PPP2R2B: variants seen among roughly 807,000 people sequenced by gnomAD.
PPP2R2B encodes the protein protein phosphatase 2 regulatory subunit Bbeta.
In PPP2R2B, 5 loss-of-function variants were observed where a neutral mutation model predicts 46.0. That is an observed-to-expected ratio of 0.11 (90% CI 0.06 to 0.23). PPP2R2B has a LOEUF of 0.23. Among genes scored for constraint, PPP2R2B ranks in the 10% least tolerant of loss-of-function variants. PPP2R2B has a pLI of 1.00. For synonymous variants in PPP2R2B, 215 were observed against 206.7 expected, an observed-to-expected ratio of 1.04 and a Z score of -0.34; for missense variants, 367 against 575.0, an observed-to-expected ratio of 0.64 and a Z score of 3.70.
Position 146,590,837 on chromosome 5 carries a change from G to GGTCTT in PPP2R2B, c.1053-616_1053-612dup, listed in dbSNP as rs148388927. On this transcript the variant is annotated intron_variant, in intron 9 of 9. Transcript: ENST00000394411. ...TTATCTACGAAATGGATGTCATCAT[G>GGTCTT]GTCTTATCTAGGAAACAAGTAAGGA... Among the ~76,000 whole-genome samples, 341 of 152,160 alleles carry GGTCTT rather than the reference G, an allele frequency of 2.2e-3. 2 individuals are homozygous for GGTCTT. The highest frequency in any genetic ancestry group is 6.8e-3 in the Middle Eastern group (2 of 294).
intron 7 of PPP2R2B, among the ~76,000 whole-genome samples, chr5:146,604,053 T>C (rs978303399): frequency 1.3e-5 from 2 of 152,172 alleles, no homozygotes; most frequent in African/African-American, 4.8e-5. Flanking sequence ...CCAGGCCCTG[T>C]ACCAAATGCT....
intron 1 of PPP2R2B, among the ~76,000 whole-genome samples, chr5:146,988,393 A>G (rs1215936849): frequency 1.3e-5 from 2 of 152,012 alleles, no homozygotes; most frequent in Non-Finnish European, 2.9e-5. Context: ...CACAAATGTT[A>G]CAAAATTGAA....
chr5:146,601,961 C>T (rs1320182106), intron 7 of PPP2R2B, among the ~76,000 whole-genome samples: 1 of 152,170 alleles, frequency 6.6e-6, no homozygotes, highest in Non-Finnish European at 1.5e-5. Flanking sequence ...CCATCACAAA[C>T]TGCCTCTAAT....
At chr5:146,869,239 A>AT (rs1270117137) in intron 2 of PPP2R2B, among the ~76,000 whole-genome samples, 4 of 152,142 alleles carry the variant, frequency 2.6e-5, no homozygotes, top group Non-Finnish European at 4.4e-5. Flanking sequence ...CAGATTTCTG[A>AT]TTTTTTCTTG....
chr5:146,896,907 T>C (rs1355506868), intron 1 of PPP2R2B, among the ~76,000 whole-genome samples: 1 of 152,086 alleles, frequency 6.6e-6, no homozygotes, highest in African/African-American at 2.4e-5. Context: ...GATATAGAAG[T>C]GGACCAGCTA....
intron 1 of PPP2R2B, among the ~76,000 whole-genome samples, chr5:147,043,082 G>C (rs1288827668): frequency 6.6e-6 from 1 of 152,112 alleles, no homozygotes; most frequent in Non-Finnish European, 1.5e-5. Flanking sequence ...ATGATTTGCA[G>C]TGATAATATA....
At chr5:146,687,718 T>C (rs887635780) in intron 5 of PPP2R2B, among the ~76,000 whole-genome samples, 1 of 152,194 alleles carries the variant, frequency 6.6e-6, no homozygotes, top group Non-Finnish European at 1.5e-5. Context: ...CTTTTGGTAA[T>C]GAGATTGATT....
chr5:146,716,931 A>C (rs1425178828), intron 2 of PPP2R2B, among the ~76,000 whole-genome samples: 1 of 152,218 alleles, frequency 6.6e-6, no homozygotes, highest in Non-Finnish European at 1.5e-5. Context: ...AAAACAGAAT[A>C]ATATTTATTT....
Position 146,581,073 on chromosome 5 carries a change from A to G in PPP2R2B, c.*8874T>C, listed in dbSNP as rs1455318198. ...CGAGTTTCAGCTGATTCTTTCATCAAGAAACATCACAAATTACCTCTATTA... is the reference window on the plus strand; with the variant it reads ...CGAGTTTCAGCTGATTCTTTCATCAGGAAACATCACAAATTACCTCTATTA... On this transcript the variant is annotated 3_prime_UTR_variant, in exon 10 of 10. Transcript: ENST00000394411. The G allele has an allele frequency of 6.6e-6, 1 of 152,194 alleles. No homozygotes were observed. Among genetic ancestry groups the G allele is most frequent in the Non-Finnish European group, 1.5e-5 (1 of 68,032 alleles). The allele number at this position is 152,194 out of a possible 1,614,324, so 9.4% of individuals were successfully genotyped here.
chr5:146,684,869 C>A (rs188971916), intron 5 of PPP2R2B, among the ~76,000 whole-genome samples: 6 of 152,256 alleles, frequency 3.9e-5, no homozygotes. Context: ...CAACTCAAAC[C>A]TTCTAAACCA....
intron 5 of PPP2R2B, among the ~76,000 whole-genome samples, chr5:146,669,411 G>T (rs1777201626): frequency 6.6e-6 from 1 of 151,898 alleles, no homozygotes; most frequent in South Asian, 2.1e-4. Context: ...AGTTACTAAG[G>T]TTTAAGGAAG....
In PPP2R2B at chr5:146,951,358, T is replaced by A. The variant is rs528904735; in HGVS notation, c.79+104307A>T. On this transcript the variant is annotated intron_variant, in intron 1 of 8. Transcript: ENST00000336640. ...TAAAGTTCCTCATGCCTTTTTTTTT[T>A]AAAAATTAAGTTCCAGTGTATATGT... Among the ~76,000 whole-genome samples, 290 of 151,758 alleles carry A rather than the reference T, an allele frequency of 1.9e-3. 1 individual carries two copies. The highest frequency in any genetic ancestry group is 0.019 in the South Asian group (90 of 4,816).
At chr5:147,052,084 C>T (rs1258283727) in intron 1 of PPP2R2B, among the ~76,000 whole-genome samples, 1 of 151,938 alleles carries the variant, frequency 6.6e-6, no homozygotes, top group African/African-American at 2.4e-5. Context: ...TTGCAAAACC[C>T]TGATTATGGA....
At chr5:146,597,551 A>G (rs1442457667) in intron 8 of PPP2R2B, among the ~76,000 whole-genome samples, 1 of 152,170 alleles carries the variant, frequency 6.6e-6, no homozygotes, top group Non-Finnish European at 1.5e-5. Flanking sequence ...GCAAAACTCC[A>G]TCACTGGTTA....
intron 1 of PPP2R2B, among the ~76,000 whole-genome samples, chr5:146,946,884 G>A (rs972860683): frequency 6.6e-6 from 1 of 151,982 alleles, no homozygotes; most frequent in African/African-American, 2.4e-5. Flanking sequence ...TGGGGTAGGG[G>A]TGGGGGTATC....
intron 1 of PPP2R2B, among the ~76,000 whole-genome samples, chr5:146,887,660 C>G (rs1312005218): frequency 1.3e-5 from 2 of 152,206 alleles, no homozygotes; most frequent in African/African-American, 4.8e-5. Context: ...AATTCCATCA[C>G]TGTTATAGTT....
chr5:146,963,447 G>T (rs1752268669), intron 1 of PPP2R2B, among the ~76,000 whole-genome samples: 1 of 152,102 alleles, frequency 6.6e-6, no homozygotes, highest in Middle Eastern at 3.4e-3. Flanking sequence ...CCACTCACTG[G>T]CTCCTACCTG....
intron 6 of PPP2R2B, among the ~76,000 whole-genome samples, chr5:146,639,134 C>T (rs1775028150): frequency 2.0e-5 from 3 of 152,220 alleles, no homozygotes; most frequent in Admixed American, 2.0e-4. Flanking sequence ...ACTAGGATTT[C>T]ATCCCAGGTG....
At chr5:146,979,515 C>A (rs1427191305) in intron 1 of PPP2R2B, among the ~76,000 whole-genome samples, 1 of 151,022 alleles carries the variant, frequency 6.6e-6, no homozygotes, top group Non-Finnish European at 1.5e-5. Flanking sequence ...ATAAATAAAA[C>A]TTAAATGAAC....
Sources: gnomAD v4.1 joint callset for allele counts (sites outside exome capture counted in the v4.1 genomes callset) on GRCh38, gnomAD v4.1.1 for gene constraint, MANE v1.5 for transcripts, NCBI Gene and HGNC (gene_info 2026-07-23, HGNC 2026-07-21) for gene names.